The following TGM6 variants were observed in gnomAD, a reference collection of about 807,000 sequenced individuals.
TGM6 encodes transglutaminase 6.
In TGM6, 74 loss-of-function variants were observed where a neutral mutation model predicts 77.5. The ratio of observed to expected loss-of-function variants is 0.96; its 90% CI spans 0.79 to 1.16. The LOEUF (loss-of-function observed/expected upper bound fraction) is 1.16. TGM6 is among the 50% of genes most tolerant of loss of function. The probability of loss-of-function intolerance (pLI) is 0.00; values close to 1 mark genes in which losing one functional copy is unlikely to be tolerated. For synonymous variants in TGM6, 383 were observed against 378.9 expected, an observed-to-expected ratio of 1.01 and a Z score of -0.12; for missense variants, 968 against 940.2, an observed-to-expected ratio of 1.03 and a Z score of -0.39.
intron 10 of TGM6, among the ~76,000 whole-genome samples, chr20:2,427,024 G>T (rs1402862687): frequency 6.6e-6 from 1 of 152,122 alleles, no homozygotes; most frequent in African/African-American, 2.4e-5. Context: ...AATGAATCAG[G>T]AAGTATTTCT....
intron 9 of TGM6, among the ~76,000 whole-genome samples, chr20:2,408,621 G>A (rs2084766980): frequency 6.6e-6 from 1 of 152,118 alleles, no homozygotes; most frequent in Non-Finnish European, 1.5e-5. Context: ...GCATATGAAG[G>A]GCTTTTAATG....
chr20:2,411,621 C>T (rs899507261), intron 9 of TGM6, among the ~76,000 whole-genome samples: 9 of 151,994 alleles, frequency 5.9e-5, no homozygotes, highest in East Asian at 1.9e-4. Flanking sequence ...CATGTTGATT[C>T]GTCATTTTTA....
chr20:2,419,969 G>A (rs2084844628), intron 10 of TGM6, among the ~76,000 whole-genome samples: 1 of 152,182 alleles, frequency 6.6e-6, no homozygotes, highest in African/African-American at 2.4e-5. Flanking sequence ...CTTGGGCCAG[G>A]CGCAGTGGCT....
intron 10 of TGM6, among the ~76,000 whole-genome samples, chr20:2,419,635 A>T (rs1280824806): frequency 6.6e-6 from 1 of 152,204 alleles, no homozygotes; most frequent in Non-Finnish European, 1.5e-5. Context: ...TTTGAAAAAC[A>T]GTTCTGGTTA....
chr20:2,411,972 G>T (rs1453041929), intron 9 of TGM6, among the ~76,000 whole-genome samples: 2 of 152,120 alleles, frequency 1.3e-5, no homozygotes, highest in African/African-American at 4.8e-5. Flanking sequence ...AGAGATATTT[G>T]TACACCCATG....
At chr20:2,397,787 G>A in intron 4 of TGM6, 131 bp from the exon 5 acceptor site, 4 of 1,443,270 alleles carry the variant, frequency 2.8e-6, no homozygotes, top group South Asian at 2.3e-5. Flanking sequence ...GCTCTGTGAT[G>A]CCCCTGGTGG....
intron 5 of TGM6, among the ~76,000 whole-genome samples, chr20:2,399,077 G>A (rs2084687591): frequency 6.7e-6 from 1 of 150,372 alleles, no homozygotes; most frequent in South Asian, 2.1e-4. Context: ...TCACCACTTG[G>A]ACTAACTTGC....
chr20:2,420,021 G>T (rs1445039766), intron 10 of TGM6, among the ~76,000 whole-genome samples: 2 of 152,130 alleles, frequency 1.3e-5, no homozygotes, highest in African/African-American at 4.8e-5. Flanking sequence ...GAGGCAGGTG[G>T]ATCACGAGGT....
At chr20:2,418,710 A>C (rs1406694110) in intron 10 of TGM6, among the ~76,000 whole-genome samples, 1 of 152,266 alleles carries the variant, frequency 6.6e-6, no homozygotes, top group Non-Finnish European at 1.5e-5. Flanking sequence ...ATTTCATAGC[A>C]GAAGAGAATG....
chr20:2,421,352 T>A (rs1002020385), intron 10 of TGM6, among the ~76,000 whole-genome samples: 7 of 152,218 alleles, frequency 4.6e-5, no homozygotes, highest in Non-Finnish European at 8.8e-5. Flanking sequence ...AGAGTATGTT[T>A]TGGTAAGAAA....
At chr20:2,428,828 A>G (rs1041703892) in intron 10 of TGM6, among the ~76,000 whole-genome samples, 4 of 151,990 alleles carry the variant, frequency 2.6e-5, no homozygotes, top group Non-Finnish European at 5.9e-5. Context: ...AATTATAATT[A>G]TTATTGTTAT....
chr20:2,430,929 A>G lies in TGM6; in HGVS notation c.1869A>G (p.Thr623=), dbSNP rs757820537. 3 of 1,614,148 alleles carry G rather than the reference A, an allele frequency of 1.9e-6. No individual in the cohort carries two copies. The South Asian group carries it at 3.3e-5, about 18-fold the overall frequency. Residue 623 remains threonine (T), a synonymous_variant, in exon 12 of 13, where the codon ACA becomes ACG. Coordinates refer to ENST00000202625, the MANE Select transcript of TGM6 (RefSeq NM_198994.3). ...LGPAMVGVAV[T]VEVTVVNPLI... ...CAGCCATGGTGGGAGTGGCAGTTAC[A>G]GTGGAAGTGACAGTAGTCAACCCCC...
intron 9 of TGM6, among the ~76,000 whole-genome samples, chr20:2,406,492 C>CA (rs10626077): frequency 0.16 from 20,709 of 130,964 alleles, 1,824 homozygotes; most frequent in African/African-American, 0.23. Context: ...GACCCTGTCT[C>CA]AAAAAAAAAA....
chr20:2,395,519 G>T, intron 3 of TGM6, 83 bp downstream of exon 3: 1 of 1,610,556 alleles, frequency 6.2e-7, no homozygotes, highest in Non-Finnish European at 8.5e-7. Context: ...GGCCTGGGAG[G>T]TGGGTTAAAG....
intron 10 of TGM6, among the ~76,000 whole-genome samples, chr20:2,418,761 C>G (rs1261905347): frequency 6.6e-6 from 1 of 152,102 alleles, no homozygotes; most frequent in Non-Finnish European, 1.5e-5. Context: ...TTTTAACTGA[C>G]CTTATTCCAA....
intron 10 of TGM6, among the ~76,000 whole-genome samples, chr20:2,428,277 T>C (rs1052132285): frequency 2.0e-5 from 3 of 152,174 alleles, no homozygotes; most frequent in African/African-American, 7.2e-5. Flanking sequence ...AGAACCATTG[T>C]TCTAGGGAAA....
intron 9 of TGM6, 42 bp downstream of exon 9, chr20:2,403,865 G>A (rs1253868728): frequency 6.2e-7 from 1 of 1,613,538 alleles, no homozygotes; most frequent in Admixed American, 1.7e-5. Context: ...CCCCCGGATG[G>A]CCCATCAGCT....
intron 10 of TGM6, among the ~76,000 whole-genome samples, chr20:2,422,150 T>C (rs2084861091): frequency 6.6e-6 from 1 of 152,060 alleles, no homozygotes; most frequent in African/African-American, 2.4e-5. Flanking sequence ...ATATATATAT[T>C]ACCAATCTCA....
chr20:2,391,525 T>A (rs2084629779), intron 1 of TGM6, among the ~76,000 whole-genome samples: 2 of 151,104 alleles, frequency 1.3e-5, no homozygotes, highest in Admixed American at 6.6e-5. Context: ...GCTGGAGGAG[T>A]GGAAAGCAAT....
Sources: gnomAD v4.1 joint callset for allele counts (sites outside exome capture counted in the v4.1 genomes callset) on GRCh38, gnomAD v4.1.1 for gene constraint, MANE v1.5 for transcripts, NCBI Gene and HGNC (gene_info 2026-07-23, HGNC 2026-07-21) for gene names.